SHCBP1L: variants seen among roughly 807,000 people sequenced by gnomAD.
SHCBP1L encodes testicular spindle-associated protein SHCBP1L.
In SHCBP1L, 67 loss-of-function variants were observed where a neutral mutation model predicts 62.5. The observed-to-expected ratio is 1.07, with a 90% CI of 0.88 to 1.31. The LOEUF (loss-of-function observed/expected upper bound fraction) is 1.31, where lower values mean the gene tolerates loss of function less well. SHCBP1L is among the 40% of genes most tolerant of loss of function. The pLI, the probability that SHCBP1L is intolerant of heterozygous loss-of-function variation, is 0.00. For missense variants in SHCBP1L, 823 were observed against 809.8 expected (o/e 1.02, Z -0.20); for synonymous variants, 284 against 289.4 (o/e 0.98, Z 0.19).
At chr1:182,906,281 T>C (rs975715925) in intron 6 of SHCBP1L, among the ~76,000 whole-genome samples, 2 of 152,116 alleles carry the variant, frequency 1.3e-5, no homozygotes, top group Non-Finnish European at 2.9e-5. Context: ...AAATTGAACC[T>C]TGGCAAGATT....
At chr1:182,940,262 G>A in intron 3 of SHCBP1L, 67 bp downstream of exon 3, 1 of 1,365,640 alleles carries the variant, frequency 7.3e-7, no homozygotes. Context: ...GCGATTATAT[G>A]AACAAAACCT....
intron 6 of SHCBP1L, among the ~76,000 whole-genome samples, chr1:182,923,924 TA>T (rs1397077388): frequency 6.6e-6 from 1 of 152,218 alleles, no homozygotes; most frequent in East Asian, 1.9e-4. Context: ...GGCATCCAAA[TA>T]GGAAGAGGGG....
intron 6 of SHCBP1L, among the ~76,000 whole-genome samples, chr1:182,914,716 C>CA (rs561888927): frequency 1.3e-5 from 2 of 150,726 alleles, no homozygotes; most frequent in African/African-American, 2.4e-5. Flanking sequence ...CACTGCGTAA[C>CA]AAAAAAAAGA....
intron 9 of SHCBP1L, among the ~76,000 whole-genome samples, chr1:182,902,061 C>CTTTTTTTTTTTTTTTT (rs1156301250): frequency 7.8e-5 from 10 of 127,576 alleles, no homozygotes; most frequent in Non-Finnish European, 1.2e-4. Context: ...CTTTTTTTTT[C>CTTTTTTTTTTTTTTTT]TTTTTTTTTT....
At chr1:182,926,361 T>C (rs977063035) in intron 6 of SHCBP1L, among the ~76,000 whole-genome samples, 1 of 152,210 alleles carries the variant, frequency 6.6e-6, no homozygotes, top group Non-Finnish European at 1.5e-5. Context: ...TCACCTTCTG[T>C]AGCACTTCAG....
Position 182,905,536 on chromosome 1 carries a change from A to C in SHCBP1L, c.1296T>G (p.Ala432=), listed in dbSNP as rs1649984494. 6.2e-7 allele frequency: 1 copy of C among 1,613,672 alleles called. No individual in the cohort carries two copies. The highest frequency in any genetic ancestry group is 1.7e-5 in the Admixed American group (1 of 59,980). Residue 432 remains alanine, a synonymous_variant, in exon 7 of 10, where the codon GCT becomes GCG. Transcript: ENST00000367547. ...TVIIFPGEYQ[A]ANLALLTDDI... is the part of the protein sequence containing the mutation. ...CATCTGTCAACAAAGCAAGATTTGC[A>C]GCTTGATATTCTCCTGGAAAAATTA...
At chr1:182,952,300 A>G (rs954957287) in intron 1 of SHCBP1L, among the ~76,000 whole-genome samples, 3 of 138,366 alleles carry the variant, frequency 2.2e-5, no homozygotes, top group African/African-American at 7.8e-5. Flanking sequence ...ATCATGCCGC[A>G]TTGTGGACTG....
At chr1:182,907,927 G>A (rs1286507377) in intron 6 of SHCBP1L, among the ~76,000 whole-genome samples, 2 of 152,190 alleles carry the variant, frequency 1.3e-5, no homozygotes, top group South Asian at 2.1e-4. Flanking sequence ...GGAAAAGAAA[G>A]CATAACAAAA....
In SHCBP1L at chr1:182,939,560, T is replaced by C. The variant is rs1430340618; in HGVS notation, c.771-7A>G. The stretch of plus-strand genomic sequence containing the variant: ...AAGAAAGTCATAAAAAAACCTACGA[T>C]AAACCAAATTAAGATGACAGTAATC... On this transcript the variant is annotated splice_region_variant and splice_polypyrimidine_tract_variant and intron_variant, in intron 3 of 9. Coordinates refer to ENST00000367547, the MANE Select transcript of SHCBP1L (RefSeq NM_030933.4). 1.9e-6 allele frequency: 3 copies of C among 1,581,416 alleles called. No individual in the cohort carries two copies. The highest frequency in any genetic ancestry group is 2.6e-6 in the Non-Finnish European group (3 of 1,165,790).
intron 5 of SHCBP1L, among the ~76,000 whole-genome samples, chr1:182,930,824 C>G (rs1412343788): frequency 1.5e-5 from 2 of 135,870 alleles, no homozygotes; most frequent in African/African-American, 5.5e-5. Flanking sequence ...CTCCTGGGCT[C>G]AAGCAATCCT....
At chr1:182,908,320 C>A (rs12410286) in intron 6 of SHCBP1L, among the ~76,000 whole-genome samples, 8,430 of 152,080 alleles carry the variant, frequency 0.055, 399 homozygotes, top group East Asian at 0.16. Flanking sequence ...ATGTTTGTGT[C>A]CATGTGTGCT....
At chr1:182,910,631 C>T (rs1298779020) in intron 6 of SHCBP1L, among the ~76,000 whole-genome samples, 3 of 152,186 alleles carry the variant, frequency 2.0e-5, no homozygotes, top group Non-Finnish European at 2.9e-5. Flanking sequence ...GGAATCAGGG[C>T]TTCCCATATA....
chr1:182,902,061 C>CTTTTTTTTTTTTTTTTTTTTTTTTTTT (rs1156301250), intron 9 of SHCBP1L, among the ~76,000 whole-genome samples: 2 of 127,576 alleles, frequency 1.6e-5, no homozygotes, highest in Non-Finnish European at 3.3e-5. Flanking sequence ...CTTTTTTTTT[C>CTTTTTTTTTTTTTTTTTTTTTTTTTTT]TTTTTTTTTT....
intron 9 of SHCBP1L, 77 bp from the exon 10 acceptor site, chr1:182,900,311 CT>C: frequency 8.2e-7 from 1 of 1,224,860 alleles, no homozygotes; most frequent in Non-Finnish European, 1.1e-6. Context: ...TAAAAATTAG[CT>C]TAGACTTTAT....
intron 5 of SHCBP1L, among the ~76,000 whole-genome samples, chr1:182,936,599 CAT>C (rs755245720): frequency 1.4e-4 from 22 of 152,296 alleles, no homozygotes; most frequent in Admixed American, 5.2e-4. Flanking sequence ...TACTACTTCA[CAT>C]GTCATGCAGA....
chr1:182,924,776 GAAAGAAAGAAA>G (rs1650650168), intron 6 of SHCBP1L, among the ~76,000 whole-genome samples: 3 of 89,670 alleles, frequency 3.3e-5, no homozygotes, highest in African/African-American at 2.8e-4. Flanking sequence ...AAGAAAGAAA[GAAAGAAAGAAA>G]GAGAGAAAGA....
At position 182,905,499 on chromosome 1, in the gene SHCBP1L, T is replaced by C. The variant is rs1034875536; in HGVS notation, c.1333A>G (p.Lys445Glu). The change falls in exon 7 of 10, where the codon AAG becomes GAG. Residue 445 changes from lysine to glutamate, a missense_variant. By Grantham distance (56) the Lys-to-Glu change is moderately conservative. Transcript: ENST00000367547. ...CTACAAAGGATGCCCTGCTAACCCTTTATAATGATGTCATCTGTCAACAAA... is the reference window on the plus strand; with the variant it reads ...CTACAAAGGATGCCCTGCTAACCCTCTATAATGATGTCATCTGTCAACAAA... ...LALLTDDIII[K>E]GVGKREEIMI... 6.2e-7 allele frequency: 1 copy of C among 1,613,520 alleles called. No individual in the cohort carries two copies. The highest frequency in any genetic ancestry group is 1.3e-5 in the African/African-American group (1 of 74,920).
At chr1:182,941,240 G>C (rs1651353406) in intron 2 of SHCBP1L, among the ~76,000 whole-genome samples, 1 of 132,612 alleles carries the variant, frequency 7.5e-6, no homozygotes, top group East Asian at 2.1e-4. Context: ...TAGAAGAATG[G>C]CTACTCAAAC....
At chr1:182,909,432 C>T (rs530808909) in intron 6 of SHCBP1L, among the ~76,000 whole-genome samples, 7 of 151,910 alleles carry the variant, frequency 4.6e-5, no homozygotes, top group Admixed American at 2.0e-4. Flanking sequence ...AACAAACTGG[C>T]GGAAACACAA....
Sources: allele counts gnomAD v4.1 joint callset (sites outside exome capture counted in the v4.1 genomes callset), GRCh38; gene constraint gnomAD v4.1.1; transcripts MANE v1.5; gene names NCBI Gene and HGNC (gene_info 2026-07-23, HGNC 2026-07-21).